The following TGFBR2 variants were observed in gnomAD, a reference collection of about 807,000 sequenced individuals.
TGFBR2 encodes transforming growth factor beta receptor 2.
Under a neutral mutation model 49.0 loss-of-function variants are expected in TGFBR2, and 18 were observed. The observed-to-expected ratio is 0.37, with a 90% CI of 0.25 to 0.54. TGFBR2 has a LOEUF of 0.54. TGFBR2 is among the 20% of genes least tolerant of loss of function. The pLI, the probability that TGFBR2 is intolerant of heterozygous loss-of-function variation, is 0.85. For synonymous variants in TGFBR2, 282 were observed against 275.9 expected (o/e 1.02, Z -0.22); for missense variants, 525 against 722.6 (o/e 0.73, Z 3.13).
intron 2 of TGFBR2, among the ~76,000 whole-genome samples, chr3:30,647,591 T>C (rs1443231916): frequency 6.6e-6 from 1 of 151,960 alleles, no homozygotes; most frequent in Non-Finnish European, 1.5e-5. Context: ...TTCATTCATT[T>C]AACTAATGTC....
intron 5 of TGFBR2, 26 bp from the exon 6 acceptor site, chr3:30,688,358 C>G (rs2125451505): frequency 6.2e-7 from 1 of 1,614,024 alleles, no homozygotes; most frequent in Non-Finnish European, 8.5e-7. Context: ...TCTCAGTGAC[C>G]CTGTGTTTGC....
chr3:30,626,004 C>G (rs1292397968), intron 1 of TGFBR2, among the ~76,000 whole-genome samples: 3 of 152,206 alleles, frequency 2.0e-5, no homozygotes, highest in South Asian at 2.1e-4. Context: ...CACCTGCGAA[C>G]TTCTAAAAGA....
intron 3 of TGFBR2, among the ~76,000 whole-genome samples, chr3:30,661,132 C>G (rs985497543): frequency 1.2e-4 from 18 of 152,160 alleles, no homozygotes; most frequent in African/African-American, 4.3e-4. Flanking sequence ...AGACAGAGTA[C>G]AAGGTGTAAT....
At chr3:30,673,158 C>A (rs11466517) in intron 4 of TGFBR2, among the ~76,000 whole-genome samples, 3,389 of 152,258 alleles carry the variant, frequency 0.022, 126 homozygotes, top group African/African-American at 0.078. Flanking sequence ...GCTCAGTCAG[C>A]CCTGTGTCCA....
intron 1 of TGFBR2, chr3:30,626,602 G>A (rs1256417662): frequency 1.8e-4 from 27 of 152,566 alleles, no homozygotes; most frequent in Admixed American, 1.7e-3. Context: ...ACCATATAGA[G>A]GCAGTTCTTC....
rs1471090070 is a variant in TGFBR2, at chr3:30,674,242, G to C, written c.1392G>C (p.Val464=). The change falls in exon 5 of 7, where the codon GTG becomes GTC. Residue 464 remains valine, a synonymous_variant. Coordinates refer to ENST00000295754, the MANE Select transcript of TGFBR2 (RefSeq NM_003242.6). ...LWEMTSRCNA[V]GEVKDYEPPF... is the part of the protein sequence containing the mutation. ...AAATGACATCTCGCTGTAATGCAGTGGGAGGTAGGTGTGGACCAGCATCAT... is the reference window on the plus strand; with the variant it reads ...AAATGACATCTCGCTGTAATGCAGTCGGAGGTAGGTGTGGACCAGCATCAT... 1 of 1,613,990 alleles carries C rather than the reference G, an allele frequency of 6.2e-7. No individual in the cohort carries two copies. The highest frequency in any genetic ancestry group is 8.5e-7 in the Non-Finnish European group (1 of 1,179,972).
At chr3:30,662,293 A>G (rs1699146820) in intron 3 of TGFBR2, among the ~76,000 whole-genome samples, 2 of 152,220 alleles carry the variant, frequency 1.3e-5, no homozygotes, top group Non-Finnish European at 2.9e-5. Flanking sequence ...TAACATTTTC[A>G]GGCAGAGGTT....
At chr3:30,623,374 T>G (rs1698271773) in intron 1 of TGFBR2, 4 of 1,424,162 alleles carry the variant, frequency 2.8e-6, no homozygotes, top group Non-Finnish European at 3.9e-6. Flanking sequence ...ATCTATAGTC[T>G]CCTCGTATTT....
At chr3:30,685,400 C>A (rs1191149705) in intron 5 of TGFBR2, among the ~76,000 whole-genome samples, 5 of 152,214 alleles carry the variant, frequency 3.3e-5, no homozygotes, top group African/African-American at 1.2e-4. Context: ...GGAGAAAGCA[C>A]TTCCTTGGCG....
At chr3:30,636,181 G>GTGTGTT (rs1283924383) in intron 1 of TGFBR2, among the ~76,000 whole-genome samples, 1 of 151,494 alleles carries the variant, frequency 6.6e-6, no homozygotes, top group Non-Finnish European at 1.5e-5. Flanking sequence ...GTGTGTGTGT[G>GTGTGTT]TGTGTGTGTG....
At chr3:30,644,284 C>T (rs1698691802) in intron 1 of TGFBR2, among the ~76,000 whole-genome samples, 2 of 152,160 alleles carry the variant, frequency 1.3e-5, no homozygotes, top group South Asian at 4.1e-4. Context: ...CCCAGCTGAG[C>T]GGTGATGCTC....
Position 30,691,410 on chromosome 3 carries a change from C to G in TGFBR2, c.1525-10C>G, listed in dbSNP as rs747069454. 7 of 1,613,758 alleles carry G rather than the reference C, an allele frequency of 4.3e-6. No individual in the cohort carries two copies. The highest frequency in any genetic ancestry group is 5.9e-6 in the Non-Finnish European group (7 of 1,179,850). Reference sequence around the variant, plus strand: ...CTCATGGTGCCCTTTGGATCTCTTTCCCGCTACAGGGCATCCAGATGGTGT... The same window carrying G: ...CTCATGGTGCCCTTTGGATCTCTTTGCCGCTACAGGGCATCCAGATGGTGT... On this transcript the variant is annotated splice_polypyrimidine_tract_variant and intron_variant, in intron 6 of 6. Transcript: ENST00000295754.
At chr3:30,627,170 C>T (rs1048061980) in intron 1 of TGFBR2, among the ~76,000 whole-genome samples, 2 of 152,136 alleles carry the variant, frequency 1.3e-5, no homozygotes, top group African/African-American at 2.4e-5. Context: ...GTCCAGACCT[C>T]GTTCCGCACA....
chr3:30,609,767 A>G (rs1575127426), intron 1 of TGFBR2, among the ~76,000 whole-genome samples: 1 of 152,326 alleles, frequency 6.6e-6, no homozygotes, highest in East Asian at 1.9e-4. Context: ...TGTCAGGGTA[A>G]GAGACTAGAC....
intron 3 of TGFBR2, among the ~76,000 whole-genome samples, chr3:30,670,755 C>A (rs113171817): frequency 6.6e-6 from 1 of 152,362 alleles, no homozygotes; most frequent in South Asian, 2.1e-4. Flanking sequence ...AATTCCAAGT[C>A]AAAAAACTGC....
intron 1 of TGFBR2, among the ~76,000 whole-genome samples, chr3:30,619,531 T>G (rs1698190766): frequency 1.3e-5 from 2 of 152,176 alleles, no homozygotes; most frequent in South Asian, 4.1e-4. Context: ...ACCAGTTTGA[T>G]GACTACGTGC....
chr3:30,683,876 C>A (rs1699576487), intron 5 of TGFBR2, among the ~76,000 whole-genome samples: 1 of 152,180 alleles, frequency 6.6e-6, no homozygotes, highest in Non-Finnish European at 1.5e-5. Flanking sequence ...TACATGAGGT[C>A]TCATCCTAGG....
chr3:30,667,688 T>C (rs1699268150), intron 3 of TGFBR2, among the ~76,000 whole-genome samples: 1 of 152,222 alleles, frequency 6.6e-6, no homozygotes, highest in Non-Finnish European at 1.5e-5. Context: ...AATTAGCAAA[T>C]ACGACTGTTT....
chr3:30,607,062 C>A, intron 1 of TGFBR2, 85 bp downstream of exon 1: 1 of 1,182,498 alleles, frequency 8.5e-7, no homozygotes, highest in Non-Finnish European at 1.2e-6. Flanking sequence ...ACAGTCGGGC[C>A]CGGCAACCCG....
Sources: gnomAD v4.1 joint callset for allele counts (sites outside exome capture counted in the v4.1 genomes callset) on GRCh38, gnomAD v4.1.1 for gene constraint, MANE v1.5 for transcripts, NCBI Gene and HGNC (gene_info 2026-07-23, HGNC 2026-07-21) for gene names.